Variants in ELAVL4 observed in about 807,000 individuals in gnomAD.
ELAVL4 encodes the protein ELAV like RNA binding protein 4.
A neutral mutation model predicts 35.6 loss-of-function variants in ELAVL4; 1 was observed. That is an observed-to-expected ratio of 0.03 (90% CI 0.01 to 0.13). The LOEUF (loss-of-function observed/expected upper bound fraction) is 0.13, where lower values mean the gene tolerates loss of function less well. Ranked by LOEUF, ELAVL4 falls within the 10% of genes least tolerant of loss-of-function variation. The pLI is 1.00. For missense variants in ELAVL4, 267 were observed against 464.9 expected (o/e 0.57, Z 3.91); for synonymous variants, 156 against 171.0 (o/e 0.91, Z 0.69).
intron 1 of ELAVL4, among the ~76,000 whole-genome samples, chr1:50,081,691 T>C (rs1296281827): frequency 6.6e-6 from 1 of 152,222 alleles, no homozygotes; most frequent in Non-Finnish European, 1.5e-5. Context: ...AATTTTTTAT[T>C]GTTATACTTT....
At chr1:50,059,584 C>A (rs1663853505) in intron 1 of ELAVL4, among the ~76,000 whole-genome samples, 1 of 151,602 alleles carries the variant, frequency 6.6e-6, no homozygotes, top group African/African-American at 2.4e-5. Flanking sequence ...AAAATGGAAC[C>A]CTCCTGTTTT....
chr1:50,105,464 T>A (rs1315822067), upstream of ELAVL4, among the ~76,000 whole-genome samples: 1 of 152,230 alleles, frequency 6.6e-6, no homozygotes. Flanking sequence ...GAAGGAATTT[T>A]ATTTATTTAT....
At chr1:50,141,648 C>T (rs965033370) in intron 1 of ELAVL4, 2 of 152,366 alleles carry the variant, frequency 1.3e-5, no homozygotes, top group African/African-American at 2.4e-5. Flanking sequence ...TTTCCTGGAC[C>T]CTTGCCTCGA....
intron 1 of ELAVL4, among the ~76,000 whole-genome samples, chr1:50,077,875 G>T (rs1364364686): frequency 6.6e-6 from 1 of 152,120 alleles, no homozygotes; most frequent in Non-Finnish European, 1.5e-5. Context: ...CCGTTAGAGA[G>T]TCCATGTCTA....
At chr1:50,048,077 C>A in exon 1 of ELAVL4, 4 of 1,394,534 alleles carry the variant, frequency 2.9e-6, no homozygotes, top group East Asian at 2.9e-5. Context: ...AGAGCGAGAG[C>A]GGTGAGACTC....
chr1:50,110,163 G>A (rs372214481), intron 1 of ELAVL4, among the ~76,000 whole-genome samples: 1 of 152,052 alleles, frequency 6.6e-6, no homozygotes, highest in East Asian at 1.9e-4. Flanking sequence ...CAAGTGTAAT[G>A]GCACTGCATG....
At chr1:50,084,062 T>C (rs983428936) in intron 1 of ELAVL4, among the ~76,000 whole-genome samples, 8 of 152,220 alleles carry the variant, frequency 5.3e-5, no homozygotes, top group Non-Finnish European at 1.0e-4. Flanking sequence ...TAACACAGCG[T>C]AATTAATTTT....
chr1:50,194,878 T>C (rs1643933900), intron 4 of ELAVL4, among the ~76,000 whole-genome samples: 1 of 152,060 alleles, frequency 6.6e-6, no homozygotes. Context: ...GAGGAGAGCA[T>C]ATCCCAAGGC....
intron 3 of ELAVL4, among the ~76,000 whole-genome samples, chr1:50,188,445 A>C (rs1682162735): frequency 6.6e-6 from 1 of 152,256 alleles, no homozygotes; most frequent in South Asian, 2.1e-4. Flanking sequence ...CAGGGGCCCA[A>C]CAAATGGCGT....
At chr1:50,118,420 A>G (rs776122904) in intron 1 of ELAVL4, among the ~76,000 whole-genome samples, 38 of 151,948 alleles carry the variant, frequency 2.5e-4, no homozygotes, top group Non-Finnish European at 4.3e-4. Flanking sequence ...TCTAGAAGTG[A>G]TCAGATTGAC....
chr1:50,088,300 A>G (rs1365435329), intron 1 of ELAVL4, among the ~76,000 whole-genome samples: 3 of 152,226 alleles, frequency 2.0e-5, no homozygotes, highest in Admixed American at 6.5e-5. Flanking sequence ...TCACTTAATT[A>G]TAGGCGAATA....
At chr1:50,048,077 C>T in exon 1 of ELAVL4, 3 of 1,394,534 alleles carry the variant, frequency 2.2e-6, no homozygotes, top group Non-Finnish European at 2.8e-6. Flanking sequence ...AGAGCGAGAG[C>T]GGTGAGACTC....
intron 1 of ELAVL4, among the ~76,000 whole-genome samples, chr1:50,088,666 G>A (rs186267449): frequency 6.6e-6 from 1 of 152,320 alleles, no homozygotes; most frequent in Admixed American, 6.5e-5. Context: ...CTGCTGGCCT[G>A]AAGGTCTTGG....
intron 2 of ELAVL4, among the ~76,000 whole-genome samples, chr1:50,149,337 G>T (rs1196650587): frequency 6.6e-6 from 1 of 151,678 alleles, no homozygotes; most frequent in African/African-American, 2.4e-5. Flanking sequence ...GGCGGAGGTT[G>T]CATTGAGCTG....
chr1:50,200,392 T>C (rs1323801175), intron 6 of ELAVL4, among the ~76,000 whole-genome samples: 1 of 152,164 alleles, frequency 6.6e-6, no homozygotes, highest in Admixed American at 6.5e-5. Context: ...GCATTTTCTA[T>C]GTGTCACTAT....
At chr1:50,061,273 T>C (rs1572107161) in intron 1 of ELAVL4, among the ~76,000 whole-genome samples, 1 of 152,198 alleles carries the variant, frequency 6.6e-6, no homozygotes, top group Admixed American at 6.5e-5. Flanking sequence ...TTTTCTTTGG[T>C]ATTGTTTTTA....
chr1:50,070,868 G>A (rs1353618728), intron 1 of ELAVL4, among the ~76,000 whole-genome samples: 1 of 152,146 alleles, frequency 6.6e-6, no homozygotes, highest in Admixed American at 6.6e-5. Flanking sequence ...GACTGTTGGT[G>A]GAATAAATAA....
At chr1:50,176,557 C>T (rs1572543034) in intron 2 of ELAVL4, among the ~76,000 whole-genome samples, 2 of 152,286 alleles carry the variant, frequency 1.3e-5, no homozygotes, top group East Asian at 3.9e-4. Context: ...GCACCTACTC[C>T]AATCTAGACA....
chr1:50,132,456 C>CTT (rs1671014519), intron 1 of ELAVL4, among the ~76,000 whole-genome samples: 1 of 152,184 alleles, frequency 6.6e-6, no homozygotes, highest in Admixed American at 6.5e-5. Flanking sequence ...CGGATCAGTA[C>CTT]TTTTCACTCC....
Sources: gnomAD v4.1 joint callset for allele counts (sites outside exome capture counted in the v4.1 genomes callset) on GRCh38, gnomAD v4.1.1 for gene constraint, MANE v1.5 for transcripts, NCBI Gene and HGNC (gene_info 2026-07-23, HGNC 2026-07-21) for gene names.